The following MMP28 variants were observed in gnomAD, a reference collection of about 807,000 sequenced individuals.
The protein encoded by MMP28 is matrix metallopeptidase 28, also known as matrix metalloproteinase-28.
In MMP28, 55 loss-of-function variants were observed where a neutral mutation model predicts 60.5. That is an observed-to-expected ratio of 0.91 (90% CI 0.73 to 1.14). MMP28 has a LOEUF of 1.14. Ranked by LOEUF, MMP28 falls within the 50% of genes most tolerant of loss-of-function variation. The pLI, the probability that MMP28 is intolerant of heterozygous loss-of-function variation, is 0.00. For synonymous variants in MMP28, 318 were observed against 312.5 expected (o/e 1.02, Z -0.18); for missense variants, 686 against 738.3 (o/e 0.93, Z 0.82).
chr17:35,777,191 A>G (rs76011443), intron 3 of MMP28, among the ~76,000 whole-genome samples: 3,133 of 152,358 alleles, frequency 0.021, 64 homozygotes, highest in East Asian at 0.11. Flanking sequence ...CCCAGGCCAC[A>G]CAGCTGAGAC....
In MMP28 at chr17:35,768,363, G is replaced by A; in HGVS notation, c.867C>T (p.Gly289=). 6 of 1,610,570 alleles carry A rather than the reference G, an allele frequency of 3.7e-6. No homozygotes were observed. The highest frequency in any genetic ancestry group is 4.2e-6 in the Non-Finnish European group (5 of 1,178,616). The change falls in exon 6 of 8, where the codon GGC becomes GGT. Residue 289 remains glycine, a synonymous_variant. Coordinates refer to ENST00000605424, the MANE Select transcript of MMP28 (RefSeq NM_024302.5). ...VQSLYGKPLG[G]SVAVQLPGKL... ...TTCCTGGGAGCTGGACGGCCACTGA[G>A]CCCCCTAGGGGCTTCCCTTTGTGAG...
chr17:35,786,134 G>A (rs2086642391), intron 1 of MMP28, among the ~76,000 whole-genome samples: 1 of 150,156 alleles, frequency 6.7e-6, no homozygotes, highest in South Asian at 2.1e-4. Context: ...TCAGCTCACT[G>A]CAACCTCTGC....
intron 1 of MMP28, among the ~76,000 whole-genome samples, chr17:35,782,051 CTT>C (rs1399946214): frequency 2.1e-4 from 27 of 130,806 alleles, no homozygotes; most frequent in East Asian, 2.2e-4. Context: ...GTATTTCTCT[CTT>C]TTTTTTTTTT....
chr17:35,778,381 A>G (rs2086395957), intron 3 of MMP28: 1 of 164,700 alleles, frequency 6.1e-6, no homozygotes, highest in African/African-American at 2.4e-5. Context: ...GATTGTGGTA[A>G]TGGTTGCACA....
chr17:35,758,066 A>G (rs2085760250), intron 2 of MMP28: 2 of 152,206 alleles, frequency 1.3e-5, no homozygotes, highest in Non-Finnish European at 2.9e-5. Context: ...TTCAAAAGTT[A>G]AAGTTTAATA....
Position 35,790,668 on chromosome 17 carries a change from G to A in MMP28, c.111+4599C>T, listed in dbSNP as rs929306005. 2.5e-3 allele frequency among the ~76,000 whole-genome samples: 386 copies of A among 152,190 alleles called. 1 individual carries two copies. The highest frequency in any genetic ancestry group is 3.9e-3 in the Non-Finnish European group (267 of 68,012). On this transcript the variant is annotated intron_variant, in intron 1 of 7. Coordinates refer to ENST00000605424, the MANE Select transcript of MMP28 (RefSeq NM_024302.5). ...GATCCCATTTATATGAAATGTCCAGGATATCCAAATATATATACACAGAAA... is the reference window on the plus strand; with the variant it reads ...GATCCCATTTATATGAAATGTCCAGAATATCCAAATATATATACACAGAAA...
intron 2 of MMP28, among the ~76,000 whole-genome samples, chr17:35,760,685 C>A (rs1994182): frequency 6.6e-6 from 1 of 151,934 alleles, no homozygotes; most frequent in Non-Finnish European, 1.5e-5. Context: ...CAGTTTATTG[C>A]GGGCCAAAGC....
intron 3 of MMP28, among the ~76,000 whole-genome samples, chr17:35,773,670 G>A (rs984682845): frequency 6.6e-6 from 1 of 152,202 alleles, no homozygotes; most frequent in Non-Finnish European, 1.5e-5. Context: ...GTGTGTTGGA[G>A]GGGAAGCAGC....
chr17:35,759,683 G>A (rs962308551), intron 2 of MMP28, among the ~76,000 whole-genome samples: 8 of 151,948 alleles, frequency 5.3e-5, no homozygotes, highest in Non-Finnish European at 1.0e-4. Context: ...CCTGGGTGAC[G>A]GTGAGACTCT....
At position 35,795,472 on chromosome 17, in the gene MMP28, C is replaced by T. The variant is rs558666661; in HGVS notation, c.-95G>A. 8.2e-6 allele frequency: 7 copies of T among 854,824 alleles called. No homozygotes were observed. In the South Asian group the frequency reaches 1.3e-4, roughly 16 times the overall value. The allele number at this position is 854,824 out of a possible 1,614,324, so 53.0% of individuals were successfully genotyped here. A position where few individuals can be genotyped will look rare whatever the true frequency, so the allele number is the denominator to read the frequency against. On this transcript the variant is annotated 5_prime_UTR_variant, in exon 1 of 8. Coordinates refer to ENST00000605424, the MANE Select transcript of MMP28 (RefSeq NM_024302.5). ...GCCCGGGACCCCGGGGATGGGACTG[C>T]TCTGCGCCGCCCCCGCACGGAGAGG... is the stretch of plus-strand genomic sequence containing the variant.
Position 35,779,299 on chromosome 17 carries a change from GGTATCC to G in MMP28, c.130_135del (p.Gly44_Tyr45del), listed in dbSNP as rs2086430589. On this transcript the variant is annotated inframe_deletion, in exon 2 of 8. Coordinates refer to ENST00000605424, the MANE Select transcript of MMP28 (RefSeq NM_024302.5). ...GGAGCTTTGGGGACCTGTTCATTGA[GGTATCC>G]GTACTTCTCTAGGAATGCCTGCGGG... is the stretch of plus-strand genomic sequence containing the variant. The G allele has an allele frequency of 6.2e-7, 1 of 1,613,112 alleles. No individual in the cohort carries two copies. The highest frequency in any genetic ancestry group is 1.3e-5 in the African/African-American group (1 of 74,876).
intron 2 of MMP28, among the ~76,000 whole-genome samples, chr17:35,758,812 C>T (rs2085769239): frequency 6.6e-6 from 1 of 152,134 alleles, no homozygotes. Flanking sequence ...CCAAAACAGC[C>T]TTGGGAAGAG....
At chr17:35,783,137 A>T (rs1411355633) in intron 1 of MMP28, among the ~76,000 whole-genome samples, 1 of 152,196 alleles carries the variant, frequency 6.6e-6, no homozygotes, top group Non-Finnish European at 1.5e-5. Flanking sequence ...GCTGGGGACA[A>T]ATTATTTAAT....
At chr17:35,763,608 T>C (rs1457790801), downstream of MMP28, among the ~76,000 whole-genome samples, 4 of 151,710 alleles carry the variant, frequency 2.6e-5, no homozygotes, top group East Asian at 7.8e-4. Flanking sequence ...TTTGAAAAAG[T>C]ATCCAGGGCC....
At chr17:35,762,746 T>C (rs909659398), downstream of MMP28, among the ~76,000 whole-genome samples, 1 of 152,256 alleles carries the variant, frequency 6.6e-6, no homozygotes, top group African/African-American at 2.4e-5. Context: ...CCAGCGGAGA[T>C]GCTGGGCTTC....
chr17:35,770,777 T>C (rs1467844274), intron 4 of MMP28, among the ~76,000 whole-genome samples: 1 of 151,844 alleles, frequency 6.6e-6, no homozygotes, highest in East Asian at 1.9e-4. Flanking sequence ...CAGCAGGGTG[T>C]GGTAGCTCAC....
In MMP28 at chr17:35,766,044, C is replaced by G. The variant is rs2085928885; in HGVS notation, c.*456G>C. 1.0e-6 allele frequency: 1 copy of G among 984,844 alleles called. No homozygotes were observed. The highest frequency in any genetic ancestry group is 6.2e-5 in the Admixed American group (1 of 16,228). 61.0% of individuals were successfully genotyped at this position (984,844 alleles called of 1,614,324 possible). ...CATCCATGCTTCCTGGGGGTGGGGC[C>G]TCTGACTAAATATGACACCGTTTTT... On this transcript the variant is annotated 3_prime_UTR_variant, in exon 8 of 8. Transcript: ENST00000605424. The surrounding 1 kb of genome is among the most constrained non-coding windows in gnomAD (Gnocchi z 4.3).
intron 1 of MMP28, among the ~76,000 whole-genome samples, chr17:35,790,690 G>T (rs1288000009): frequency 2.0e-5 from 3 of 151,966 alleles, no homozygotes; most frequent in African/African-American, 7.3e-5. Flanking sequence ...TATATACACA[G>T]AAATTAGTCT....
intron 1 of MMP28, among the ~76,000 whole-genome samples, chr17:35,791,519 AT>A (rs1268623546): frequency 2.3e-4 from 35 of 152,218 alleles, no homozygotes; most frequent in African/African-American, 8.4e-4. Context: ...ATAAAGTCCA[AT>A]TTATGATGTT....
Sources: gnomAD v4.1 joint callset for allele counts (sites outside exome capture counted in the v4.1 genomes callset) on GRCh38, gnomAD v4.1.1 for gene constraint, Gnocchi (gnomAD v3.1) non-coding constraint, MANE v1.5 for transcripts, NCBI Gene and HGNC (gene_info 2026-07-23, HGNC 2026-07-21) for gene names.